The following NADK variants were observed in gnomAD, a reference collection of about 807,000 sequenced individuals.
The protein encoded by NADK is poly(P)/ATP NAD kinase.
NADK carries 22 observed loss-of-function variants against 49.8 expected under a neutral mutation model. That is an observed-to-expected ratio of 0.44 (90% CI 0.32 to 0.63). The LOEUF (loss-of-function observed/expected upper bound fraction) is 0.63, where lower values mean the gene tolerates loss of function less well. Ranked by LOEUF, NADK falls within the 30% of genes least tolerant of loss-of-function variation. NADK has a pLI of 0.06. For missense variants in NADK, 438 were observed against 609.4 expected (o/e 0.72, Z 2.96); for synonymous variants, 268 against 253.7 (o/e 1.06, Z -0.54).
chr1:1,766,117 C>T (rs1645877498), intron 1 of NADK, among the ~76,000 whole-genome samples: 1 of 151,674 alleles, frequency 6.6e-6, no homozygotes, highest in Non-Finnish European at 1.5e-5. Flanking sequence ...AAAAATTAGC[C>T]GGGCATGGTA....
At chr1:1,762,455 T>C (rs1645754132) in intron 2 of NADK, among the ~76,000 whole-genome samples, 1 of 152,240 alleles carries the variant, frequency 6.6e-6, no homozygotes, top group Non-Finnish European at 1.5e-5. Context: ...TCTGAACTCA[T>C]GTCAATAAAA....
chr1:1,759,898 T>A, intron 3 of NADK: 2 of 1,550,308 alleles, frequency 1.3e-6, no homozygotes, highest in Non-Finnish European at 1.7e-6. Flanking sequence ...GACAAAGGAG[T>A]GGCTCTGCCA....
intron 1 of NADK, among the ~76,000 whole-genome samples, chr1:1,775,233 T>C (rs1410212539): frequency 2.0e-5 from 3 of 152,044 alleles, no homozygotes; most frequent in Admixed American, 6.6e-5. Flanking sequence ...TGCCAATAAA[T>C]AAATGTGCAA....
At chr1:1,761,568 C>T (rs375496501) in intron 3 of NADK, 13 of 189,622 alleles carry the variant, frequency 6.9e-5, no homozygotes, top group African/African-American at 2.5e-4. Flanking sequence ...CCCCAGAATT[C>T]TCACTCACTC....
chr1:1,761,432 A>G (rs1033620783), intron 3 of NADK, among the ~76,000 whole-genome samples: 1 of 152,180 alleles, frequency 6.6e-6, no homozygotes, highest in Non-Finnish European at 1.5e-5. Flanking sequence ...AGCCTGGATT[A>G]TAATTCTTTA....
intron 7 of NADK, among the ~76,000 whole-genome samples, chr1:1,755,072 A>G (rs112890544): frequency 0.019 from 2,891 of 150,156 alleles, 89 homozygotes; most frequent in African/African-American, 0.068. Flanking sequence ...GCCCGCCTCG[A>G]CCTCCCACAG....
In NADK at chr1:1,757,169, TG is replaced by T; in HGVS notation, c.393+11del. ...GTGCACCCCAGGCCCCCTTCCCCCC[TG>T]CCCCGCGTGCCTCCATGAGGTGCGT... is the stretch of plus-strand genomic sequence containing the variant. On this transcript the variant is annotated intron_variant, in intron 4 of 11. Coordinates refer to ENST00000341426, the MANE Select transcript of NADK (RefSeq NM_023018.5). The T allele has an allele frequency of 3.8e-6, 1 of 260,134 alleles. No homozygotes were observed. Among genetic ancestry groups the T allele is most frequent in the South Asian group, 4.2e-5 (1 of 23,674 alleles). 16.1% of individuals were successfully genotyped at this position (260,134 alleles called of 1,614,324 possible).
rs1200383982 is a variant in NADK at position 1,752,237 on chromosome 1, C to T, written c.*667G>A. On this transcript the variant is annotated 3_prime_UTR_variant, in exon 12 of 12. Coordinates refer to ENST00000341426, the MANE Select transcript of NADK (RefSeq NM_023018.5). Reference sequence around the variant, plus strand: ...AAAGTATATACAGGATTTAAACTACCTTCCTGGGAGCAGAAGCTACGTGAG... The same window carrying T: ...AAAGTATATACAGGATTTAAACTACTTTCCTGGGAGCAGAAGCTACGTGAG... 1 of 152,646 alleles carries T rather than the reference C, an allele frequency of 6.6e-6. No individual in the cohort carries two copies. Among genetic ancestry groups the T allele is most frequent in the Admixed American group, 6.5e-5 (1 of 15,288 alleles). 9.5% of individuals were successfully genotyped at this position (152,646 alleles called of 1,614,324 possible).
Position 1,754,895 on chromosome 1 carries a change from C to G in NADK, c.689-197G>C. On this transcript the variant is annotated intron_variant, in intron 7 of 11. Transcript: ENST00000341426. This position sits in a 1 kb window ranked among gnomAD's most constrained non-coding sequence, Gnocchi z 4.3. ...GGAATGCAGTGGTGTGATCTTGGCTCACTGCAACCTCTGCCTCCCAGGTTC... is the reference window on the plus strand; with the variant it reads ...GGAATGCAGTGGTGTGATCTTGGCTGACTGCAACCTCTGCCTCCCAGGTTC... The G allele has an allele frequency of 1.8e-6, 1 of 550,026 alleles. No individual in the cohort carries two copies. Among genetic ancestry groups the G allele is most frequent in the Non-Finnish European group, 3.1e-6 (1 of 318,498 alleles). 34.1% of individuals were successfully genotyped at this position (550,026 alleles called of 1,614,324 possible).
At chr1:1,762,545 C>T (rs1038087607) in intron 2 of NADK, among the ~76,000 whole-genome samples, 1 of 152,110 alleles carries the variant, frequency 6.6e-6, no homozygotes, top group Non-Finnish European at 1.5e-5. Flanking sequence ...CACGTGAGGT[C>T]AGGAGTTTGA....
Position 1,757,169 on chromosome 1 carries a change from T to G in NADK, c.393+12A>C. ...GTGCACCCCAGGCCCCCTTCCCCCCTGCCCCGCGTGCCTCCATGAGGTGCG... is the reference window on the plus strand; with the variant it reads ...GTGCACCCCAGGCCCCCTTCCCCCCGGCCCCGCGTGCCTCCATGAGGTGCG... On this transcript the variant is annotated intron_variant, in intron 4 of 11. Transcript: ENST00000341426. The G allele has an allele frequency of 1.2e-5, 3 of 260,130 alleles. No homozygotes were observed. The highest frequency in any genetic ancestry group is 1.1e-4 in the East Asian group (1 of 9,366). 16.1% of individuals were successfully genotyped at this position (260,130 alleles called of 1,614,324 possible). A position where few individuals can be genotyped will look rare whatever the true frequency, so the allele number is the denominator to read the frequency against.
intron 1 of NADK, among the ~76,000 whole-genome samples, chr1:1,767,656 G>A (rs1478497735): frequency 2.0e-5 from 3 of 152,186 alleles, no homozygotes; most frequent in Non-Finnish European, 4.4e-5. Context: ...ATTATGGACT[G>A]AATGTGTCCT....
In NADK at chr1:1,752,674, C is replaced by T. The variant is rs1645362165; in HGVS notation, c.*230G>A. On this transcript the variant is annotated 3_prime_UTR_variant, in exon 12 of 12. Transcript: ENST00000341426. ...GACCCACCGCGGGGTGTCAGCAGGA[C>T]AGAAGCACTCCCAGCCCATTTCTCA... The T allele has an allele frequency of 1.2e-5, 6 of 518,510 alleles. No homozygotes were observed. Among genetic ancestry groups the T allele is most frequent in the South Asian group, 3.2e-5 (1 of 31,592 alleles). 32.1% of individuals were successfully genotyped at this position (518,510 alleles called of 1,614,324 possible).
chr1:1,762,162 C>T, intron 2 of NADK, 127 bp from the exon 3 acceptor site: 1 of 762,168 alleles, frequency 1.3e-6, no homozygotes, highest in South Asian at 1.6e-5. Context: ...CTCCATCTGC[C>T]CAGCAGCCAC....
chr1:1,760,589 C>T (rs1645689529), intron 3 of NADK, among the ~76,000 whole-genome samples: 1 of 152,186 alleles, frequency 6.6e-6, no homozygotes, highest in Non-Finnish European at 1.5e-5. Flanking sequence ...TCAACAGTCC[C>T]CAGCAGCCTG....
intron 3 of NADK, 151 bp from the exon 4 acceptor site, chr1:1,757,461 G>C: frequency 1.5e-6 from 1 of 676,666 alleles, no homozygotes; most frequent in Non-Finnish European, 2.5e-6. Context: ...ACAGGGCCTA[G>C]GGTCGCGCCA....
rs375061907 is a variant in NADK at position 1,765,389 on chromosome 1, T to C, written c.18A>G (p.Glu6=). 84 of 1,600,772 alleles carry C rather than the reference T, an allele frequency of 5.2e-5. No individual in the cohort carries two copies. The African/African-American group carries it at 9.5e-4, about 18-fold the overall frequency. The change falls in exon 2 of 12, where the codon GAA becomes GAG. Residue 6 remains glutamate (E), a synonymous_variant. Coordinates refer to ENST00000341426, the MANE Select transcript of NADK (RefSeq NM_023018.5). MEMEQ[E]KMTMNKELSP... ...TCAATTCCTTATTCATGGTCATTTTTTCTTGTTCCATTTCCATTGTCAGGA... is the reference window on the plus strand; with the variant it reads ...TCAATTCCTTATTCATGGTCATTTTCTCTTGTTCCATTTCCATTGTCAGGA...
chr1:1,775,891 C>G (rs1185483484), intron 1 of NADK, among the ~76,000 whole-genome samples: 1 of 152,150 alleles, frequency 6.6e-6, no homozygotes, highest in African/African-American at 2.4e-5. Flanking sequence ...GAAATGAAAT[C>G]CTGGGGTTAC....
rs1035101848 is a variant in NADK, at chr1:1,752,194, G to GTT, written c.*708_*709dup. 3.9e-5 allele frequency: 6 copies of GTT among 152,664 alleles called. No homozygotes were observed. The highest frequency in any genetic ancestry group is 1.9e-4 in the East Asian group (1 of 5,202). The allele number at this position is 152,664 out of a possible 1,614,324, so 9.5% of individuals were successfully genotyped here. ...AGTATGTACATCAGCACTTCAGAAA[G>GTT]TTTAAAAGAGTCTCTAAAAAGTATA... On this transcript the variant is annotated 3_prime_UTR_variant, in exon 12 of 12. Transcript: ENST00000341426.
Sources: allele counts gnomAD v4.1 joint callset (sites outside exome capture counted in the v4.1 genomes callset), GRCh38; gene constraint gnomAD v4.1.1; non-coding constraint Gnocchi (gnomAD v3.1); transcripts MANE v1.5; gene names NCBI Gene and HGNC (gene_info 2026-07-23, HGNC 2026-07-21).